SLC5A7: variants seen among roughly 807,000 people sequenced by gnomAD.
The protein encoded by SLC5A7 is solute carrier family 5 member 7.
A neutral mutation model predicts 55.4 loss-of-function variants in SLC5A7; 19 were observed. That is an observed-to-expected ratio of 0.34 (90% CI 0.24 to 0.50). The LOEUF is 0.50. Ranked by LOEUF, SLC5A7 falls within the 20% of genes least tolerant of loss-of-function variation. SLC5A7 has a pLI of 0.98. For synonymous variants in SLC5A7, 265 were observed against 263.7 expected, an observed-to-expected ratio of 1.00 and a Z score of -0.05; for missense variants, 506 against 705.3, an observed-to-expected ratio of 0.72 and a Z score of 3.20.
In SLC5A7 at chr2:108,010,936, A is replaced by G; in HGVS notation, c.*75A>G. The G allele has an allele frequency of 7.4e-7, 1 of 1,344,048 alleles. No homozygotes were observed. Among genetic ancestry groups the G allele is most frequent in the Non-Finnish European group, 9.9e-7 (1 of 1,011,102 alleles). 83.3% of individuals were successfully genotyped at this position (1,344,048 alleles called of 1,614,324 possible). A position where few individuals can be genotyped will look rare whatever the true frequency, so the allele number is the denominator to read the frequency against. On this transcript the variant is annotated 3_prime_UTR_variant, in exon 9 of 9. Coordinates refer to ENST00000264047, the MANE Select transcript of SLC5A7 (RefSeq NM_021815.5). ...TAGTTCTGGAGAGATGGTATGCAGC[A>G]TACAAAAATATATTAAAAATATAAA...
At position 108,000,447 on chromosome 2, in the gene SLC5A7, T is replaced by A. The variant is rs544544413; in HGVS notation, c.598-1450T>A. Among the ~76,000 whole-genome samples, 14 of 151,992 alleles carry A rather than the reference T, an allele frequency of 9.2e-5. No homozygotes were observed. The South Asian group carries it at 1.7e-3, about 18-fold the overall frequency. On this transcript the variant is annotated intron_variant, in intron 5 of 8. Transcript: ENST00000264047. ...TATTTCAAATATAATTTTTAAAAAA[T>A]TTTTATTTTATTTTGTTTATTATTA... is the stretch of plus-strand genomic sequence containing the variant.
chr2:107,995,132 C>A (rs902142479), intron 4 of SLC5A7, among the ~76,000 whole-genome samples: 11 of 152,112 alleles, frequency 7.2e-5, no homozygotes, highest in Non-Finnish European at 1.6e-4. Flanking sequence ...GAGTTGGTAG[C>A]GCCTACTACA....
intron 4 of SLC5A7, among the ~76,000 whole-genome samples, chr2:107,996,123 CAT>C (rs1483154225): frequency 6.6e-6 from 1 of 151,832 alleles, no homozygotes; most frequent in African/African-American, 2.4e-5. Flanking sequence ...TTTCATAATT[CAT>C]GGTATATAGC....
At position 108,010,777 on chromosome 2, in the gene SLC5A7, C is replaced by A; in HGVS notation, c.1659C>A (p.Leu553=). 6.2e-7 allele frequency: 1 copy of A among 1,613,558 alleles called. No homozygotes were observed. The highest frequency in any genetic ancestry group is 1.1e-5 in the South Asian group (1 of 91,040). ...TGAAGCCACGACAGAGCATGACCCT[C>A]AGCTCAACTTTCACCAATAAAGAGG... is the stretch of plus-strand genomic sequence containing the variant. ...ALVKPRQSMT[L]SSTFTNKEAF... The change falls in exon 9 of 9, where the codon CTC becomes CTA. Residue 553 remains leucine, a synonymous_variant. Coordinates refer to ENST00000264047, the MANE Select transcript of SLC5A7 (RefSeq NM_021815.5).
chr2:107,986,960 G>T (rs1385708791), intron 1 of SLC5A7, among the ~76,000 whole-genome samples, 197 bp downstream of exon 1: 1 of 152,118 alleles, frequency 6.6e-6, no homozygotes, highest in Non-Finnish European at 1.5e-5. Context: ...GAAATGGGTA[G>T]AGGGGGCCGA....
chr2:107,994,203 T>C (rs1233014175), intron 4 of SLC5A7, among the ~76,000 whole-genome samples: 1 of 152,140 alleles, frequency 6.6e-6, no homozygotes, highest in Non-Finnish European at 1.5e-5. Context: ...ATCCCGCAGG[T>C]TAGTCAGGAT....
At chr2:107,999,431 A>G (rs974211741) in intron 5 of SLC5A7, among the ~76,000 whole-genome samples, 2 of 152,228 alleles carry the variant, frequency 1.3e-5, no homozygotes, top group Non-Finnish European at 2.9e-5. Flanking sequence ...ATTGCTTTGT[A>G]TGAGACTAGA....
intron 5 of SLC5A7, among the ~76,000 whole-genome samples, chr2:107,999,877 C>T (rs892990382): frequency 1.3e-5 from 2 of 152,174 alleles, no homozygotes; most frequent in African/African-American, 4.8e-5. Flanking sequence ...CTTCAGCCTT[C>T]ATCTAGGTGG....
intron 5 of SLC5A7, among the ~76,000 whole-genome samples, chr2:107,998,627 A>G (rs1677769811): frequency 6.6e-6 from 1 of 152,238 alleles, no homozygotes. Flanking sequence ...ACAGTTATGC[A>G]TATAATATTC....
At chr2:108,007,732 A>T (rs1300338347) in intron 7 of SLC5A7, among the ~76,000 whole-genome samples, 2 of 152,202 alleles carry the variant, frequency 1.3e-5, no homozygotes, top group South Asian at 2.1e-4. Context: ...TGGTCCAATG[A>T]TCATGATATT....
intron 5 of SLC5A7, among the ~76,000 whole-genome samples, chr2:108,000,602 C>A (rs1677848467): frequency 6.6e-6 from 1 of 151,992 alleles, no homozygotes; most frequent in Non-Finnish European, 1.5e-5. Context: ...CTGGCAGTTT[C>A]TTTTTCTTTT....
At chr2:108,001,818 G>T in intron 5 of SLC5A7, 79 bp from the exon 6 acceptor site, 1 of 1,491,508 alleles carries the variant, frequency 6.7e-7, no homozygotes, top group Middle Eastern at 1.8e-4. Flanking sequence ...GCTGTGCAGT[G>T]TGTGAGGTGT....
intron 6 of SLC5A7, among the ~76,000 whole-genome samples, chr2:108,005,694 G>T (rs1678083698): frequency 6.6e-6 from 1 of 152,216 alleles, no homozygotes; most frequent in African/African-American, 2.4e-5. Flanking sequence ...GTGAGGATTC[G>T]CATCCTCATA....
At position 108,013,854 on chromosome 2, in the gene SLC5A7, C is replaced by G. The variant is rs1678431728; in HGVS notation, c.*2993C>G. The G allele has an allele frequency of 6.6e-6, 1 of 152,122 alleles. No individual in the cohort carries two copies. The highest frequency in any genetic ancestry group is 2.4e-5 in the African/African-American group (1 of 41,424). The allele number at this position is 152,122 out of a possible 1,614,324, so 9.4% of individuals were successfully genotyped here. ...AGTTGTTTCAAACAGCATCAAAATA[C>G]AACTTCATTGCTACACTTACAAGTA... On this transcript the variant is annotated 3_prime_UTR_variant, in exon 9 of 9. Coordinates refer to ENST00000264047, the MANE Select transcript of SLC5A7 (RefSeq NM_021815.5).
At chr2:107,995,788 C>A (rs1436816165) in intron 4 of SLC5A7, among the ~76,000 whole-genome samples, 1 of 152,032 alleles carries the variant, frequency 6.6e-6, no homozygotes, top group Non-Finnish European at 1.5e-5. Context: ...AATTGACATC[C>A]TACAACATTT....
intron 6 of SLC5A7, among the ~76,000 whole-genome samples, chr2:108,002,970 C>T (rs796836199): frequency 1.6e-4 from 24 of 152,234 alleles, no homozygotes; most frequent in African/African-American, 5.5e-4. Flanking sequence ...ACTTTGTGAT[C>T]GTGGCACATG....
In SLC5A7 at chr2:107,988,352, G is replaced by A. The variant is rs1677326571; in HGVS notation, c.178+19G>A. 4.4e-6 allele frequency: 7 copies of A among 1,596,608 alleles called. No individual in the cohort carries two copies. The highest frequency in any genetic ancestry group is 6.0e-6 in the Non-Finnish European group (7 of 1,167,078). ...ATGACAGGTACGTTCAGACGCCGCC[G>A]GCTCCATGCAGTCCTCCCTTCCTTG... On this transcript the variant is annotated intron_variant, in intron 2 of 8. Transcript: ENST00000264047.
chr2:108,009,942 A>G (rs936584057), intron 8 of SLC5A7, among the ~76,000 whole-genome samples: 1 of 152,106 alleles, frequency 6.6e-6, no homozygotes, highest in Non-Finnish European at 1.5e-5. Flanking sequence ...TACCTCCCTG[A>G]CACCATGTTA....
intron 6 of SLC5A7, among the ~76,000 whole-genome samples, chr2:108,004,420 T>C (rs1235406276): frequency 1.3e-5 from 2 of 152,178 alleles, no homozygotes; most frequent in African/African-American, 4.8e-5. Context: ...AAGGAGATTG[T>C]TATGGTATCT....
Sources: allele counts gnomAD v4.1 joint callset (sites outside exome capture counted in the v4.1 genomes callset), GRCh38; gene constraint gnomAD v4.1.1; transcripts MANE v1.5; gene names NCBI Gene and HGNC (gene_info 2026-07-23, HGNC 2026-07-21).